Variants in ZC2HC1C observed in about 807,000 individuals in gnomAD.
ZC2HC1C encodes zinc finger C2HC-type containing 1C, also known as zinc finger C2HC domain-containing protein 1C.
In ZC2HC1C, 25 loss-of-function variants were observed where a neutral mutation model predicts 39.2. The observed-to-expected ratio is 0.64, with a 90% CI of 0.47 to 0.89. The LOEUF (loss-of-function observed/expected upper bound fraction) is 0.89, where lower values mean the gene tolerates loss of function less well. Among genes scored for constraint, ZC2HC1C ranks in the 40% least tolerant of loss-of-function variants. The pLI is 0.00. For missense variants in ZC2HC1C, 519 were observed against 548.6 expected (o/e 0.95, Z 0.54); for synonymous variants, 209 against 214.4 (o/e 0.97, Z 0.22).
chr14:75,075,342 CCT>C (rs1283011501), intron 2 of ZC2HC1C, among the ~76,000 whole-genome samples: 3 of 152,164 alleles, frequency 2.0e-5, no homozygotes, highest in Non-Finnish European at 4.4e-5. Context: ...TTTGTTGGGT[CCT>C]CTGTTTCCAG....
Position 75,071,805 on chromosome 14 carries a change from G to T in ZC2HC1C, c.1232G>T (p.Ser411Ile). ...CTGGAGAGACACTCCAACATCTGCA[G>T]CAGGATGCGGGGTTCCAAGAGGAAA... ...FRLERHSNIC[S>I]RMRGSKRKVF... The change falls in exon 2 of 3, where the codon AGC (serine) becomes ATC (isoleucine). Residue 411 changes from serine (S) to isoleucine (I), a missense_variant. By Grantham distance (142) the Ser-to-Ile change is moderately radical. Coordinates refer to ENST00000524913, the MANE Select transcript of ZC2HC1C (RefSeq NM_024643.4). 6.2e-7 allele frequency: 1 copy of T among 1,614,210 alleles called. No homozygotes were observed. Among genetic ancestry groups the T allele is most frequent in the Non-Finnish European group, 8.5e-7 (1 of 1,180,030 alleles).
rs745744543 is a variant in ZC2HC1C at position 75,071,075 on chromosome 14, C to A, written c.502C>A (p.Pro168Thr). The A allele has an allele frequency of 5.0e-6, 8 of 1,614,030 alleles. No individual in the cohort carries two copies. In the African/African-American group the frequency reaches 9.3e-5, roughly 19 times the overall value. The change falls in exon 2 of 3, where the codon CCT becomes ACT. Residue 168 changes from proline to threonine, a missense_variant. By Grantham distance (38) the Pro-to-Thr change is conservative (BLOSUM62 -1). Coordinates refer to ENST00000524913, the MANE Select transcript of ZC2HC1C (RefSeq NM_024643.4). ...GGACCATAATGTCTACCCAAGGCCC[C>A]CTGAGCCGAGAGAGTTTTCATCTAG... ...DGDHNVYPRP[P>T]EPREFSSRNF...
Position 75,071,160 on chromosome 14 carries a change from C to G in ZC2HC1C, c.587C>G (p.Thr196Arg). ...GTGGTTGGTACTGTTCTTGCTGCCA[C>G]GCAGGCGGAGAAGGCCGTGGCAAAC... ...FSVVGTVLAATQAEKAVANFD... is the reference protein window; with the variant it reads ...FSVVGTVLAARQAEKAVANFD... Residue 196 changes from threonine to arginine, a missense_variant, in exon 2 of 3, where the codon ACG (threonine) becomes AGG (arginine). By Grantham distance (71) the Thr-to-Arg change is moderately conservative. Coordinates refer to ENST00000524913, the MANE Select transcript of ZC2HC1C (RefSeq NM_024643.4). The G allele has an allele frequency of 6.2e-7, 1 of 1,614,146 alleles. No homozygotes were observed. The highest frequency in any genetic ancestry group is 1.1e-5 in the South Asian group (1 of 91,076).
chr14:75,077,419 C>A, intron 2 of ZC2HC1C, 113 bp from the exon 3 acceptor site: 1 of 1,399,844 alleles, frequency 7.1e-7, no homozygotes, highest in South Asian at 1.2e-5. Context: ...CTTTCCTGTT[C>A]TCTTTGACCT....
chr14:75,074,488 T>C (rs58656470), intron 2 of ZC2HC1C, among the ~76,000 whole-genome samples: 2,707 of 152,306 alleles, frequency 0.018, 88 homozygotes, highest in African/African-American at 0.063. Flanking sequence ...TTCTGTTAGA[T>C]GGTTCTTCTG....
chr14:75,077,969 GC>G lies in ZC2HC1C; in HGVS notation c.*409del, dbSNP rs1298197959. ...GCTAAGCAGCAGGAGGCAGAAGGAA[GC>G]CCCAGCTTCCCACTAAATTACAACC... On this transcript the variant is annotated 3_prime_UTR_variant, in exon 3 of 3. Transcript: ENST00000524913. 2 of 201,562 alleles carry G rather than the reference GC, an allele frequency of 9.9e-6. No homozygotes were observed. The highest frequency in any genetic ancestry group is 2.0e-5 in the Non-Finnish European group (2 of 98,934). 12.5% of individuals were successfully genotyped at this position (201,562 alleles called of 1,614,324 possible).
intron 2 of ZC2HC1C, among the ~76,000 whole-genome samples, chr14:75,076,560 A>G (rs1187201866): frequency 6.6e-6 from 1 of 152,178 alleles, no homozygotes; most frequent in African/African-American, 2.4e-5. Context: ...GAGCCATCAC[A>G]CCTGGCCTCT....
At chr14:75,071,992 A>G in intron 2 of ZC2HC1C, 81 bp downstream of exon 2, 1 of 1,496,812 alleles carries the variant, frequency 6.7e-7, no homozygotes, top group African/African-American at 1.4e-5. Context: ...TTCTTTAGGG[A>G]AAATTCATGT....
chr14:75,075,326 C>T (rs1893618782), intron 2 of ZC2HC1C, among the ~76,000 whole-genome samples: 1 of 152,156 alleles, frequency 6.6e-6, no homozygotes, highest in African/African-American at 2.4e-5. Flanking sequence ...CTCTTTGCTT[C>T]TCTTCTTTGT....
intron 2 of ZC2HC1C, among the ~76,000 whole-genome samples, chr14:75,075,514 A>G (rs1893626262): frequency 6.6e-6 from 1 of 152,228 alleles, no homozygotes; most frequent in African/African-American, 2.4e-5. Flanking sequence ...GAGGAAAATG[A>G]TTATCTGTTA....
chr14:75,079,207 C>T lies in ZC2HC1C; in HGVS notation c.*1643C>T, dbSNP rs1261180548. 9.2e-6 allele frequency: 1 copy of T among 108,304 alleles called. No homozygotes were observed. The highest frequency in any genetic ancestry group is 1.7e-5 in the Non-Finnish European group (1 of 57,942). 6.7% of individuals were successfully genotyped at this position (108,304 alleles called of 1,614,324 possible). ...ACTCCAGCCTGGTGACCTAGTGAGA[C>T]TCCATCTCAAAAAAAAAAAAAAAAA... On this transcript the variant is annotated 3_prime_UTR_variant, in exon 3 of 3. Transcript: ENST00000524913.
chr14:75,071,388 G>A lies in ZC2HC1C; in HGVS notation c.815G>A (p.Arg272Lys), dbSNP rs1388919703. ...ELQKIILPRS[R>K]VKGNKSNTMY... ...CAGAAAATTATACTCCCCAGGAGCA[G>A]AGTTAAAGGTAATAAAAGCAACACC... The change falls in exon 2 of 3, where the codon AGA becomes AAA. Residue 272 changes from arginine to lysine, a missense_variant. Transcript: ENST00000524913. 6.2e-7 allele frequency: 1 copy of A among 1,614,042 alleles called. No individual in the cohort carries two copies. Among genetic ancestry groups the A allele is most frequent in the Non-Finnish European group, 8.5e-7 (1 of 1,180,044 alleles).
Position 75,071,771 on chromosome 14 carries a change from T to C in ZC2HC1C, c.1198T>C (p.Ser400Pro), listed in dbSNP as rs1162242141. 8.1e-6 allele frequency: 13 copies of C among 1,614,038 alleles called. No homozygotes were observed. Among genetic ancestry groups the C allele is most frequent in the Non-Finnish European group, 1.1e-5 (13 of 1,180,022 alleles). ...CAGCCACTGTGGGCGCAAATTCCTC[T>C]CGTTCAGGCTGGAGAGACACTCCAA... The part of the protein sequence containing the change: ...ECSHCGRKFL[S>P]FRLERHSNIC... The change falls in exon 2 of 3, where the codon TCG becomes CCG. Residue 400 changes from serine to proline, a missense_variant. Physicochemically the swap from Ser to Pro is moderately conservative, Grantham distance 74. Transcript: ENST00000524913.
At chr14:75,074,433 A>T (rs1594808962) in intron 2 of ZC2HC1C, among the ~76,000 whole-genome samples, 1 of 152,120 alleles carries the variant, frequency 6.6e-6, no homozygotes, top group African/African-American at 2.4e-5. Context: ...GTACTGAATG[A>T]CCTATAATGG....
intron 2 of ZC2HC1C, chr14:75,073,557 A>G: frequency 2.3e-6 from 3 of 1,289,142 alleles, no homozygotes; most frequent in Non-Finnish European, 3.0e-6. Context: ...AATGTCTCAA[A>G]TCTTATTCCA....
Position 75,070,154 on chromosome 14 carries a change from C to T in ZC2HC1C, c.-19-401C>T, listed in dbSNP as rs10138509. 8.2e-3 allele frequency among the ~76,000 whole-genome samples: 1,254 copies of T among 152,174 alleles called. 22 individuals are homozygous for T. Among genetic ancestry groups the T allele is most frequent in the African/African-American group, 0.028 (1,151 of 41,486 alleles). On this transcript the variant is annotated intron_variant, in intron 1 of 2. Transcript: ENST00000524913. ...TGTAAAATGGTGAGGCTGGACTCTGCGGGAACCCTTCAGTTTACAGGGGAA... is the reference window on the plus strand; with the variant it reads ...TGTAAAATGGTGAGGCTGGACTCTGTGGGAACCCTTCAGTTTACAGGGGAA...
At chr14:75,073,623 T>C in intron 2 of ZC2HC1C, 1 of 1,289,232 alleles carries the variant, frequency 7.8e-7, no homozygotes, top group Non-Finnish European at 1.0e-6. Context: ...TCCTCTAGAG[T>C]ACTCAAGAAC....
chr14:75,077,956 G>A lies in ZC2HC1C; in HGVS notation c.*392G>A, dbSNP rs1412484182. ...GGAGAGAGCCACTGCTAAGCAGCAGGAGGCAGAAGGAAGCCCCAGCTTCCC... is the reference window on the plus strand; with the variant it reads ...GGAGAGAGCCACTGCTAAGCAGCAGAAGGCAGAAGGAAGCCCCAGCTTCCC... On this transcript the variant is annotated 3_prime_UTR_variant, in exon 3 of 3. Coordinates refer to ENST00000524913, the MANE Select transcript of ZC2HC1C (RefSeq NM_024643.4). 4.8e-6 allele frequency: 1 copy of A among 206,870 alleles called. No individual in the cohort carries two copies. The highest frequency in any genetic ancestry group is 2.3e-5 in the African/African-American group (1 of 42,822). The allele number at this position is 206,870 out of a possible 1,614,324, so 12.8% of individuals were successfully genotyped here.
rs1893743389 is a variant in ZC2HC1C, at chr14:75,077,621, T to C, written c.*57T>C. On this transcript the variant is annotated 3_prime_UTR_variant, in exon 3 of 3. Coordinates refer to ENST00000524913, the MANE Select transcript of ZC2HC1C (RefSeq NM_024643.4). ...AGGCTCGAGAGGTCCAGCAGGTAAC[T>C]GCCAAAGGTGGAAACTGTTCACACT... 7 of 1,607,228 alleles carry C rather than the reference T, an allele frequency of 4.4e-6. No homozygotes were observed. The highest frequency in any genetic ancestry group is 1.7e-5 in the Admixed American group (1 of 59,852).
Sources: gnomAD v4.1 joint callset for allele counts (sites outside exome capture counted in the v4.1 genomes callset) on GRCh38, gnomAD v4.1.1 for gene constraint, MANE v1.5 for transcripts, NCBI Gene and HGNC (gene_info 2026-07-23, HGNC 2026-07-21) for gene names.